The following CELF1 variants were observed in gnomAD, a reference collection of about 807,000 sequenced individuals.
CELF1 encodes the protein CUGBP Elav-like family member 1.
Under a neutral mutation model 61.8 loss-of-function variants are expected in CELF1, and 10 were observed. That is an observed-to-expected ratio of 0.16 (90% CI 0.10 to 0.27). The LOEUF (loss-of-function observed/expected upper bound fraction) is 0.27. CELF1 is among the 10% of genes least tolerant of loss of function. The probability of loss-of-function intolerance (pLI) is 1.00; values close to 1 mark genes in which losing one functional copy is unlikely to be tolerated. For missense variants in CELF1, 380 were observed against 639.1 expected (o/e 0.59, Z 4.37); for synonymous variants, 236 against 225.1 (o/e 1.05, Z -0.43).
In CELF1 at chr11:47,542,889, T is replaced by C. The variant is rs553133493; in HGVS notation, c.-154+10103A>G. On this transcript the variant is annotated intron_variant, in intron 1 of 14. Coordinates refer to ENST00000687097, the MANE Select transcript of CELF1 (RefSeq NM_001376376.1). ...AGCTCACACCTGTAATCCCAACACT[T>C]TGGGAGGCCAAGGCAGGAGGATCAC... Among the ~76,000 whole-genome samples the C allele has an allele frequency of 4.4e-3, 667 of 152,156 alleles. 2 individuals carry two copies. The highest frequency in any genetic ancestry group is 0.015 in the African/African-American group (611 of 41,526).
At chr11:47,481,775 C>T (rs762700655) in intron 9 of CELF1, among the ~76,000 whole-genome samples, 2 of 152,120 alleles carry the variant, frequency 1.3e-5, no homozygotes, top group Non-Finnish European at 2.9e-5. Context: ...CAAATTGGGG[C>T]GAGACCTTCT....
chr11:47,528,056 A>G (rs781252466), intron 1 of CELF1, among the ~76,000 whole-genome samples: 1 of 152,154 alleles, frequency 6.6e-6, no homozygotes, highest in Non-Finnish European at 1.5e-5. Context: ...GGATCACACC[A>G]TTGCACTCTG....
At chr11:47,537,670 T>C (rs1247666670) in intron 1 of CELF1, among the ~76,000 whole-genome samples, 1 of 152,170 alleles carries the variant, frequency 6.6e-6, no homozygotes, top group Non-Finnish European at 1.5e-5. Context: ...ATTCACAGAA[T>C]TAAAATGTTA....
chr11:47,517,700 T>A (rs1233889008), intron 1 of CELF1, among the ~76,000 whole-genome samples: 2 of 149,600 alleles, frequency 1.3e-5, no homozygotes, highest in Non-Finnish European at 3.0e-5. Context: ...TTGCCCAGGC[T>A]AGAGTACAAT....
rs1374410272 is a variant in CELF1, at chr11:47,470,232, T to TG, written c.*1997dup. 6 of 152,092 alleles carry TG rather than the reference T, an allele frequency of 3.9e-5. No individual in the cohort carries two copies. Among genetic ancestry groups the TG allele is most frequent in the Non-Finnish European group, 8.8e-5 (6 of 68,010 alleles). The allele number at this position is 152,092 out of a possible 1,614,324, so 9.4% of individuals were successfully genotyped here. ...TCTATAAAAATAGAAACGACATTCT[T>TG]GGTTCCAGCCGGTTGGGATTCAGAA... On this transcript the variant is annotated 3_prime_UTR_variant, in exon 15 of 15. Coordinates refer to ENST00000687097, the MANE Select transcript of CELF1 (RefSeq NM_001376376.1).
At chr11:47,537,308 C>T (rs2096654606) in intron 1 of CELF1, among the ~76,000 whole-genome samples, 1 of 147,974 alleles carries the variant, frequency 6.8e-6, no homozygotes, top group South Asian at 2.1e-4. Flanking sequence ...AGTGCAGTGG[C>T]GCCATCTTGG....
intron 1 of CELF1, among the ~76,000 whole-genome samples, chr11:47,539,741 A>G (rs2096727107): frequency 6.6e-6 from 1 of 152,332 alleles, no homozygotes; most frequent in Non-Finnish European, 1.5e-5. Context: ...ACACCTGGAA[A>G]GTCTTTAGGC....
chr11:47,563,502 A>G (rs1410951369), intron 2 of CELF1, among the ~76,000 whole-genome samples: 1 of 152,176 alleles, frequency 6.6e-6, no homozygotes, highest in African/African-American at 2.4e-5. Context: ...CCCGGCCAAC[A>G]TGGTGAAACC....
intron 1 of CELF1, among the ~76,000 whole-genome samples, chr11:47,512,597 C>T (rs1270310879): frequency 6.6e-6 from 1 of 151,984 alleles, no homozygotes; most frequent in African/African-American, 2.4e-5. Flanking sequence ...GCCTCAGCCT[C>T]CCGAAATGTT....
intron 3 of CELF1, among the ~76,000 whole-genome samples, chr11:47,489,937 T>TTTTTTTTTTG (rs2090387392): frequency 9.6e-6 from 1 of 103,798 alleles, no homozygotes; most frequent in Non-Finnish European, 2.0e-5. Flanking sequence ...ACCATCTTGT[T>TTTTTTTTTTG]TTTTTTTTTT....
At chr11:47,528,012 G>A (rs1313957102) in intron 1 of CELF1, among the ~76,000 whole-genome samples, 1 of 152,104 alleles carries the variant, frequency 6.6e-6, no homozygotes, top group Non-Finnish European at 1.5e-5. Flanking sequence ...AGGAGAATGG[G>A]TTGAACCCGA....
chr11:47,528,560 A>C (rs772721161), intron 1 of CELF1, among the ~76,000 whole-genome samples: 2 of 152,142 alleles, frequency 1.3e-5, no homozygotes, highest in Non-Finnish European at 2.9e-5. Flanking sequence ...TTGAGGCTGC[A>C]GTGAGCTATG....
rs1331267432 is a variant in CELF1, at chr11:47,486,889, A to G, written c.343-91T>C. 5.9e-6 allele frequency: 6 copies of G among 1,021,786 alleles called. No homozygotes were observed. The Admixed American group carries it at 7.1e-5, about 12-fold the overall frequency. The allele number at this position is 1,021,786 out of a possible 1,614,324, so 63.3% of individuals were successfully genotyped here. On this transcript the variant is annotated intron_variant, in intron 5 of 14. Transcript: ENST00000687097. ...TCTAAAATACCAGAACTAGAGCTTT[A>G]AAGAGTTCTCTCTGAACTCATGTCT...
In CELF1 at chr11:47,488,857, T is replaced by G. The variant is rs2089419659; in HGVS notation, c.239A>C (p.Gln80Pro). The change falls in exon 4 of 15, where the codon CAA (glutamine) becomes CCA (proline). Residue 80 changes from glutamine to proline, a missense_variant. Gln to Pro is a moderately conservative substitution (Grantham distance 76, BLOSUM62 -1). Coordinates refer to ENST00000687097, the MANE Select transcript of CELF1 (RefSeq NM_001376376.1). The part of the protein sequence containing the change: ...YEINVLRDRS[Q>P]NPPQSKGCCF... Reference sequence around the variant, plus strand: ...CTAACCTTTGCTCTGAGGCGGGTTTTGGCTCCTATCCCTTAGGACGTTGAT... The same window carrying G: ...CTAACCTTTGCTCTGAGGCGGGTTTGGGCTCCTATCCCTTAGGACGTTGAT... 1 of 1,566,624 alleles carries G rather than the reference T, an allele frequency of 6.4e-7. No homozygotes were observed. The highest frequency in any genetic ancestry group is 2.4e-5 in the East Asian group (1 of 41,630).
chr11:47,554,446 T>C (rs1395660393), upstream of CELF1, among the ~76,000 whole-genome samples: 1 of 152,148 alleles, frequency 6.6e-6, no homozygotes, highest in Non-Finnish European at 1.5e-5. Flanking sequence ...GCAGAGAGTC[T>C]GTCTCCTTTT....
rs1271606609 is a variant in CELF1, at chr11:47,468,190, G to C, written c.*4040C>G. On this transcript the variant is annotated 3_prime_UTR_variant, in exon 15 of 15. Coordinates refer to ENST00000687097, the MANE Select transcript of CELF1 (RefSeq NM_001376376.1). The stretch of plus-strand genomic sequence containing the variant: ...CAGGCGGGATATCCAGGACTCCCCA[G>C]AGTCGCTCCAGGGAAGAACCACAAA... 1 of 152,224 alleles carries C rather than the reference G, an allele frequency of 6.6e-6. No homozygotes were observed. The highest frequency in any genetic ancestry group is 1.5e-5 in the Non-Finnish European group (1 of 68,080). The allele number at this position is 152,224 out of a possible 1,614,324, so 9.4% of individuals were successfully genotyped here.
At chr11:47,562,939 T>G (rs1312401371) in intron 2 of CELF1, among the ~76,000 whole-genome samples, 1 of 152,002 alleles carries the variant, frequency 6.6e-6, no homozygotes, top group Non-Finnish European at 1.5e-5. Context: ...ACTCCTGACC[T>G]CAGGTGATCT....
chr11:47,553,164 C>A (rs186661957), upstream of CELF1: 2,731 of 394,232 alleles, frequency 6.9e-3, 15 homozygotes, highest in Non-Finnish European at 0.011. Flanking sequence ...GCACCTACCA[C>A]CGGCGGGGAG....
At position 47,482,801 on chromosome 11, in the gene CELF1, TG is replaced by T; in HGVS notation, c.661del (p.Gln221ArgfsTer27). The T allele has an allele frequency of 6.2e-7, 1 of 1,614,208 alleles. No homozygotes were observed. The highest frequency in any genetic ancestry group is 8.5e-7 in the Non-Finnish European group (1 of 1,180,030). On this transcript the variant is annotated frameshift_variant, in exon 9 of 15. Transcript: ENST00000687097. LOFTEE classifies it high-confidence loss of function. ...KFADTQKDKEQKRMAQQLQQQ... is the reference protein window; with the variant it reads ...KFADTQKDKEXKRMAQQLQQQ... The stretch of plus-strand genomic sequence containing the variant: ...CTGGAGCTGCTGGGCCATTCTCTTC[TG>T]TTCTTTGTCCTTCTGTGTATCAGCA...
Sources: gnomAD v4.1 joint callset for allele counts (sites outside exome capture counted in the v4.1 genomes callset) on GRCh38, gnomAD v4.1.1 for gene constraint, MANE v1.5 for transcripts, NCBI Gene and HGNC (gene_info 2026-07-23, HGNC 2026-07-21) for gene names.